MON1B: variants seen among roughly 807,000 people sequenced by gnomAD.
MON1B encodes vacuolar fusion protein MON1 homolog B.
Under a neutral mutation model 45.1 loss-of-function variants are expected in MON1B, and 26 were observed. The observed-to-expected ratio is 0.58, with a 90% CI of 0.42 to 0.80. The LOEUF is 0.80. MON1B is among the 30% of genes least tolerant of loss of function. MON1B has a pLI of 0.00. For synonymous variants in MON1B, 395 were observed against 320.2 expected, an observed-to-expected ratio of 1.23 and a Z score of -2.49; for missense variants, 737 against 754.5, an observed-to-expected ratio of 0.98 and a Z score of 0.27.
rs181193867 is a variant in MON1B at position 77,201,843 on chromosome 16, A to G, written c.*3535A>G. 1.3e-5 allele frequency: 2 copies of G among 152,340 alleles called. No individual in the cohort carries two copies. Among genetic ancestry groups the G allele is most frequent in the Admixed American group, 1.3e-4 (2 of 15,300 alleles). 9.4% of individuals were successfully genotyped at this position (152,340 alleles called of 1,614,324 possible). On this transcript the variant is annotated 3_prime_UTR_variant, in exon 6 of 6. Coordinates refer to ENST00000248248, the MANE Select transcript of MON1B (RefSeq NM_014940.4). ...AATTAAATTATAAGTTGATAGGATT[A>G]TTATTGACACACAAGGAGCTCCAAA...
rs1467152855 is a variant in MON1B at position 77,193,922 on chromosome 16, G to A, written c.475+145G>A. 15 of 797,074 alleles carry A rather than the reference G, an allele frequency of 1.9e-5. No individual in the cohort carries two copies. Among genetic ancestry groups the A allele is most frequent in the East Asian group, 8.1e-5 (3 of 37,098 alleles). 49.4% of individuals were successfully genotyped at this position (797,074 alleles called of 1,614,324 possible). ...GGTCAGCCAGAGCTCTGTCAGTGGCGGGAGGTGGGGGGGTTCATCTCTGTC... is the reference window on the plus strand; with the variant it reads ...GGTCAGCCAGAGCTCTGTCAGTGGCAGGAGGTGGGGGGGTTCATCTCTGTC... On this transcript the variant is annotated intron_variant, in intron 3 of 5. Coordinates refer to ENST00000248248, the MANE Select transcript of MON1B (RefSeq NM_014940.4). This position sits in a 1 kb window ranked among gnomAD's most constrained non-coding sequence, Gnocchi z 5.0.
In MON1B at chr16:77,196,740, C is replaced by A. The variant is rs192390240; in HGVS notation, c.1443+1058C>A. Among the ~76,000 whole-genome samples, 1,012 of 152,306 alleles carry A rather than the reference C, an allele frequency of 6.6e-3. 9 individuals are homozygous for A. The highest frequency in any genetic ancestry group is 0.022 in the African/African-American group (933 of 41,558). ...GCCGTGAGCCAAGATCGCGCCACTGCACTCCAGCCTGGGCGACAGAGTAAG... is the reference window on the plus strand; with the variant it reads ...GCCGTGAGCCAAGATCGCGCCACTGAACTCCAGCCTGGGCGACAGAGTAAG... On this transcript the variant is annotated intron_variant, in intron 5 of 5. Coordinates refer to ENST00000248248, the MANE Select transcript of MON1B (RefSeq NM_014940.4).
chr16:77,195,956 A>C (rs1274671738), intron 5 of MON1B, among the ~76,000 whole-genome samples: 1 of 152,164 alleles, frequency 6.6e-6, no homozygotes, highest in Non-Finnish European at 1.5e-5. Context: ...CAGAGGCCCC[A>C]TTAACTACCA....
At position 77,199,794 on chromosome 16, in the gene MON1B, G is replaced by A. The variant is rs944635901; in HGVS notation, c.*1486G>A. 4 of 309,768 alleles carry A rather than the reference G, an allele frequency of 1.3e-5. No homozygotes were observed. The highest frequency in any genetic ancestry group is 8.7e-5 in the African/African-American group (4 of 46,108). 19.2% of individuals were successfully genotyped at this position (309,768 alleles called of 1,614,324 possible). ...AGTACGAAAGTCTTCAAACAAAAGTGGGGCGGTGGGGATGTTCTCATAACA... is the reference window on the plus strand; with the variant it reads ...AGTACGAAAGTCTTCAAACAAAAGTAGGGCGGTGGGGATGTTCTCATAACA... On this transcript the variant is annotated 3_prime_UTR_variant, in exon 6 of 6. Transcript: ENST00000248248.
intron 4 of MON1B, 82 bp from the exon 5 acceptor site, chr16:77,195,453 A>C (rs1043921075): frequency 4.8e-6 from 7 of 1,452,506 alleles, no homozygotes; most frequent in Middle Eastern, 4.3e-4. Context: ...ACTTCATTGA[A>C]ATCTCTAGAC....
Position 77,201,654 on chromosome 16 carries a change from A to C in MON1B, c.*3346A>C, listed in dbSNP as rs146499878. ...TGTATGGACCAGGAATGGTCACTGG[A>C]GTGTTGATGTAGGCACAACACAAGA... is the stretch of plus-strand genomic sequence containing the variant. On this transcript the variant is annotated 3_prime_UTR_variant, in exon 6 of 6. Transcript: ENST00000248248. The C allele has an allele frequency of 6.6e-6, 1 of 152,170 alleles. No individual in the cohort carries two copies. Among genetic ancestry groups the C allele is most frequent in the African/African-American group, 2.4e-5 (1 of 41,440 alleles). The allele number at this position is 152,170 out of a possible 1,614,324, so 9.4% of individuals were successfully genotyped here. A position where few individuals can be genotyped will look rare whatever the true frequency, so the allele number is the denominator to read the frequency against.
chr16:77,199,379 C>G lies in MON1B; in HGVS notation c.*1071C>G, dbSNP rs886735129. ...GGTTGCACGCATGCGTGCTGAAAAG[C>G]CTTTCACCCTCACGTGGTTTCTTTT... On this transcript the variant is annotated 3_prime_UTR_variant, in exon 6 of 6. Transcript: ENST00000248248. The G allele has an allele frequency of 2.9e-5, 43 of 1,471,702 alleles. No homozygotes were observed. The highest frequency in any genetic ancestry group is 3.7e-5 in the Non-Finnish European group (40 of 1,078,434). 91.2% of individuals were successfully genotyped at this position (1,471,702 alleles called of 1,614,324 possible).
intron 4 of MON1B, 102 bp from the exon 5 acceptor site, chr16:77,195,433 C>G: frequency 7.2e-7 from 1 of 1,379,416 alleles, no homozygotes; most frequent in South Asian, 1.5e-5. Flanking sequence ...GGGAGAGGCT[C>G]AGCTCCCTAA....
chr16:77,197,685 C>T (rs1305754286), intron 5 of MON1B, among the ~76,000 whole-genome samples: 1 of 152,126 alleles, frequency 6.6e-6, no homozygotes, highest in Non-Finnish European at 1.5e-5. Context: ...CGCTAGTGAC[C>T]TTGTGGGGTC....
At position 77,195,674 on chromosome 16, in the gene MON1B, C is replaced by G. The variant is rs772609925; in HGVS notation, c.1435C>G (p.Leu479Val). 1 of 1,614,180 alleles carries G rather than the reference C, an allele frequency of 6.2e-7. No individual in the cohort carries two copies. The highest frequency in any genetic ancestry group is 8.5e-7 in the Non-Finnish European group (1 of 1,180,010). ...IYHVAEKETL[L>V]AWVTSKFELY... The stretch of plus-strand genomic sequence containing the variant: ...CCACGTGGCTGAGAAGGAGACACTA[C>G]TGGCCTGGGTAAGTTGGGCAGGGCT... The change falls in exon 5 of 6, where the codon CTG (leucine) becomes GTG (valine). Residue 479 changes from leucine (L) to valine (V), a missense_variant. Leu to Val is a conservative substitution (Grantham distance 32). Coordinates refer to ENST00000248248, the MANE Select transcript of MON1B (RefSeq NM_014940.4).
In MON1B at chr16:77,198,096, C is replaced by T. The variant is rs375541833; in HGVS notation, c.1444-12C>T. 53 of 1,613,382 alleles carry T rather than the reference C, an allele frequency of 3.3e-5. No individual in the cohort carries two copies. The highest frequency in any genetic ancestry group is 3.4e-4 in the Middle Eastern group (2 of 5,928). On this transcript the variant is annotated splice_polypyrimidine_tract_variant and intron_variant, in intron 5 of 5. Coordinates refer to ENST00000248248, the MANE Select transcript of MON1B (RefSeq NM_014940.4). ...CTGGCCCATCTGACTCTGTCTCCTC[C>T]GAAACCCCCAGGTGACCTCCAAATT...
rs1380698406 is a variant in MON1B at position 77,193,181 on chromosome 16, T to C, written c.149-270T>C. ...GTGATTGAAAGGGAAGTAATTGGTC[T>C]GTAGGAACATAGCAAGTCCAGTGGA... On this transcript the variant is annotated intron_variant, in intron 2 of 5. Coordinates refer to ENST00000248248, the MANE Select transcript of MON1B (RefSeq NM_014940.4). The surrounding 1 kb of genome is among the most constrained non-coding windows in gnomAD (Gnocchi z 5.0). Among the ~76,000 whole-genome samples, 2 of 152,134 alleles carry C rather than the reference T, an allele frequency of 1.3e-5. No homozygotes were observed. The highest frequency in any genetic ancestry group is 2.9e-5 in the Non-Finnish European group (2 of 68,020).
At chr16:77,191,711 G>A in intron 2 of MON1B, 78 bp downstream of exon 2, 1 of 1,484,756 alleles carries the variant, frequency 6.7e-7, no homozygotes, top group Non-Finnish European at 9.1e-7. Context: ...GTCAGTGGGT[G>A]ACCAGTAGGG....
chr16:77,198,004 A>G (rs1413262432), intron 5 of MON1B, 104 bp from the exon 6 acceptor site: 37 of 1,140,524 alleles, frequency 3.2e-5, no homozygotes, highest in African/African-American at 1.5e-5. Context: ...TGCCAGGTAC[A>G]TGTTCCAGGT....
intron 5 of MON1B, among the ~76,000 whole-genome samples, chr16:77,197,509 A>T (rs1176865034): frequency 1.3e-5 from 2 of 152,142 alleles, no homozygotes; most frequent in African/African-American, 4.8e-5. Flanking sequence ...GGAGGTATTG[A>T]GCTACGTGGA....
chr16:77,191,573 G>C lies in MON1B; in HGVS notation c.88G>C (p.Glu30Gln), dbSNP rs2054615312. Residue 30 changes from glutamate (E) to glutamine (Q), a missense_variant, in exon 2 of 6, where the codon GAA (glutamate) becomes CAA (glutamine). Glu to Gln is a conservative substitution (Grantham distance 29). Coordinates refer to ENST00000248248, the MANE Select transcript of MON1B (RefSeq NM_014940.4). ...GCAGTTCCCCAGTGAGGAAGCTAGA[G>C]AAGGTGGAGGGGTTCACGCGGTCCC... is the stretch of plus-strand genomic sequence containing the variant. ...DTQFPSEEAR[E>Q]GGGVHAVPPD... 6.2e-7 allele frequency: 1 copy of C among 1,609,482 alleles called. No homozygotes were observed. The highest frequency in any genetic ancestry group is 1.1e-5 in the South Asian group (1 of 90,642).
At position 77,193,330 on chromosome 16, in the gene MON1B, T is replaced by C; in HGVS notation, c.149-121T>C. 1 of 934,500 alleles carries C rather than the reference T, an allele frequency of 1.1e-6. No individual in the cohort carries two copies. The highest frequency in any genetic ancestry group is 1.6e-6 in the Non-Finnish European group (1 of 627,982). 57.9% of individuals were successfully genotyped at this position (934,500 alleles called of 1,614,324 possible). On this transcript the variant is annotated intron_variant, in intron 2 of 5. Coordinates refer to ENST00000248248, the MANE Select transcript of MON1B (RefSeq NM_014940.4). This position sits in a 1 kb window ranked among gnomAD's most constrained non-coding sequence, Gnocchi z 5.0. ...GTCATTGAGGGGCATAGGAGACACT[T>C]GGAGTTCTGCGTCAGCATGCAGGGG...
chr16:77,199,347 A>C lies in MON1B; in HGVS notation c.*1039A>C. 1.7e-6 allele frequency: 2 copies of C among 1,152,060 alleles called. No individual in the cohort carries two copies. The highest frequency in any genetic ancestry group is 1.6e-5 in the African/African-American group (1 of 64,128). 71.4% of individuals were successfully genotyped at this position (1,152,060 alleles called of 1,614,324 possible). A position where few individuals can be genotyped will look rare whatever the true frequency, so the allele number is the denominator to read the frequency against. ...TGACTCCTGATTTAACCGCTGGCGT[A>C]ACCGCGGGTTGCACGCATGCGTGCT... is the stretch of plus-strand genomic sequence containing the variant. On this transcript the variant is annotated 3_prime_UTR_variant, in exon 6 of 6. Transcript: ENST00000248248.
chr16:77,198,193 G>A lies in MON1B; in HGVS notation c.1529G>A (p.Arg510His), dbSNP rs374295001. 1.4e-5 allele frequency: 23 copies of A among 1,613,976 alleles called. No individual in the cohort carries two copies. Among genetic ancestry groups the A allele is most frequent in the African/African-American group, 4.0e-5 (3 of 74,902 alleles). ...ATCTTGGTAGTGACCAAACTCCTGC[G>A]CTGGGTGAAGAAAGAGGAGGACCGG... ...GAILVVTKLL[R>H]WVKKEEDRLF... Residue 510 changes from arginine to histidine, a missense_variant, in exon 6 of 6, where the codon CGC becomes CAC. Transcript: ENST00000248248.
Sources: gnomAD v4.1 joint callset for allele counts (sites outside exome capture counted in the v4.1 genomes callset) on GRCh38, gnomAD v4.1.1 for gene constraint, Gnocchi (gnomAD v3.1) non-coding constraint, MANE v1.5 for transcripts, NCBI Gene and HGNC (gene_info 2026-07-23, HGNC 2026-07-21) for gene names.